SPATS2L: variants seen among roughly 807,000 people sequenced by gnomAD.
SPATS2L encodes spermatogenesis associated serine rich 2 like.
A neutral mutation model predicts 59.6 loss-of-function variants in SPATS2L; 30 were observed. The ratio of observed to expected loss-of-function variants is 0.50; its 90% CI spans 0.38 to 0.68. The LOEUF is 0.68. Among genes scored for constraint, SPATS2L ranks in the 30% least tolerant of loss-of-function variants. SPATS2L has a pLI of 0.00. For missense variants in SPATS2L, 615 were observed against 700.0 expected (o/e 0.88, Z 1.37); for synonymous variants, 252 against 263.5 (o/e 0.96, Z 0.42).
chr2:200,308,294 G>A (rs547147215), intron 1 of SPATS2L, among the ~76,000 whole-genome samples: 210 of 151,894 alleles, frequency 1.4e-3, no homozygotes, highest in Non-Finnish European at 1.9e-3. Flanking sequence ...TAGAGTGGCC[G>A]TCTGGATAAA....
At chr2:200,307,021 C>G (rs953135248) in intron 1 of SPATS2L, 99 bp downstream of exon 1, 2 of 946,196 alleles carry the variant, frequency 2.1e-6, no homozygotes, top group Non-Finnish European at 2.5e-6. Context: ...TCGGCTGGGC[C>G]GAGCATTCCG....
At chr2:200,314,556 A>G (rs954066289) in intron 1 of SPATS2L, among the ~76,000 whole-genome samples, 1 of 152,184 alleles carries the variant, frequency 6.6e-6, no homozygotes, top group African/African-American at 2.4e-5. Context: ...GTTAAAATGT[A>G]AGCTCCCTGG....
chr2:200,324,225 G>A (rs1345944368), intron 1 of SPATS2L, among the ~76,000 whole-genome samples: 2 of 152,162 alleles, frequency 1.3e-5, no homozygotes, highest in Admixed American at 6.5e-5. Flanking sequence ...GGACTATACT[G>A]TAGGACCTTG....
At chr2:200,462,696 T>A (rs930033611) in intron 9 of SPATS2L, among the ~76,000 whole-genome samples, 1 of 152,160 alleles carries the variant, frequency 6.6e-6, no homozygotes, top group Non-Finnish European at 1.5e-5. Flanking sequence ...GCAGGAGGAT[T>A]GCTTGAGGCC....
At chr2:200,455,405 C>T (rs1488282042) in intron 8 of SPATS2L, among the ~76,000 whole-genome samples, 4 of 152,162 alleles carry the variant, frequency 2.6e-5, no homozygotes, top group African/African-American at 9.7e-5. Flanking sequence ...GGGCTTGTTT[C>T]AAGCCCCTGT....
chr2:200,462,745 C>G (rs2086324868), intron 9 of SPATS2L, among the ~76,000 whole-genome samples: 1 of 151,938 alleles, frequency 6.6e-6, no homozygotes, highest in South Asian at 2.1e-4. Context: ...TAGTAAGACC[C>G]CATCTCTAAA....
chr2:200,321,145 TGTGA>T (rs1190306093), intron 1 of SPATS2L, among the ~76,000 whole-genome samples: 1 of 152,180 alleles, frequency 6.6e-6, no homozygotes, highest in African/African-American at 2.4e-5. Context: ...TGTGCATTTG[TGTGA>T]GGTTGTGAGT....
chr2:200,428,790 A>G (rs765026588), intron 6 of SPATS2L, among the ~76,000 whole-genome samples: 9 of 151,762 alleles, frequency 5.9e-5, no homozygotes, highest in Non-Finnish European at 1.2e-4. Context: ...CAGTCATGAC[A>G]TCTCCCTCTT....
At chr2:200,473,240 T>C (rs1471141000) in intron 12 of SPATS2L, among the ~76,000 whole-genome samples, 188 bp downstream of exon 12, 1 of 152,166 alleles carries the variant, frequency 6.6e-6, no homozygotes, top group Non-Finnish European at 1.5e-5. Flanking sequence ...CTGGTCGCTC[T>C]CATCCATGCC....
chr2:200,305,921 A>C (rs1177072492), upstream of SPATS2L: 1 of 327,516 alleles, frequency 3.1e-6, no homozygotes, highest in Non-Finnish European at 4.4e-6. Flanking sequence ...GTGTTATCTA[A>C]AGTGCTTCCA....
At chr2:200,400,434 A>C (rs2082489242) in intron 3 of SPATS2L, among the ~76,000 whole-genome samples, 1 of 152,220 alleles carries the variant, frequency 6.6e-6, no homozygotes, top group South Asian at 2.1e-4. Context: ...GAAATGAGAT[A>C]TGTATTAAGC....
chr2:200,468,771 CAGAA>C (rs1275640262), intron 10 of SPATS2L, among the ~76,000 whole-genome samples: 2 of 152,226 alleles, frequency 1.3e-5, no homozygotes, highest in Non-Finnish European at 2.9e-5. Context: ...TCCTTCCCCT[CAGAA>C]AGAAATTCAC....
At chr2:200,315,610 A>G (rs1298657430) in intron 1 of SPATS2L, among the ~76,000 whole-genome samples, 1 of 152,154 alleles carries the variant, frequency 6.6e-6, no homozygotes, top group Non-Finnish European at 1.5e-5. Flanking sequence ...TGGAGTCCGA[A>G]TATTATGCAC....
chr2:200,434,664 C>G (rs1485201966), intron 6 of SPATS2L, among the ~76,000 whole-genome samples: 1 of 152,000 alleles, frequency 6.6e-6, no homozygotes, highest in Non-Finnish European at 1.5e-5. Context: ...ATGCACAAGA[C>G]TCTAAGAACT....
intron 2 of SPATS2L, among the ~76,000 whole-genome samples, chr2:200,335,869 A>G (rs2080125341): frequency 6.6e-6 from 1 of 152,236 alleles, no homozygotes; most frequent in Non-Finnish European, 1.5e-5. Context: ...GAGTCCACAT[A>G]TCTGGGTGGT....
intron 1 of SPATS2L, 102 bp downstream of exon 1, chr2:200,307,024 G>A (rs987633028): frequency 3.9e-5 from 37 of 937,296 alleles, no homozygotes; most frequent in Non-Finnish European, 4.3e-5. Flanking sequence ...GCTGGGCCGA[G>A]CATTCCGCAG....
At chr2:200,387,338 GGA>G (rs1222624085) in intron 2 of SPATS2L, among the ~76,000 whole-genome samples, 1 of 152,166 alleles carries the variant, frequency 6.6e-6, no homozygotes, top group Non-Finnish European at 1.5e-5. Flanking sequence ...GCACTTTTAT[GGA>G]GCATTTGGGA....
chr2:200,468,589 T>C (rs1469957), intron 10 of SPATS2L, among the ~76,000 whole-genome samples: 134,680 of 152,204 alleles, frequency 0.88, 61,340 homozygotes, highest in Non-Finnish European at 0.99. Flanking sequence ...GCTGAGGGCG[T>C]CAGTGGCCTT....
intron 2 of SPATS2L, among the ~76,000 whole-genome samples, chr2:200,343,616 T>C (rs543149549): frequency 2.6e-5 from 4 of 152,300 alleles, no homozygotes; most frequent in South Asian, 2.1e-4. Context: ...ATTAAAGATA[T>C]GTGGAAAGGT....
Sources: gnomAD v4.1 joint callset for allele counts (sites outside exome capture counted in the v4.1 genomes callset) on GRCh38, gnomAD v4.1.1 for gene constraint, MANE v1.5 for transcripts, NCBI Gene and HGNC (gene_info 2026-07-23, HGNC 2026-07-21) for gene names.